MTHFD1L: variants seen among roughly 807,000 people sequenced by gnomAD.
MTHFD1L encodes methylenetetrahydrofolate dehydrogenase (NADP+ dependent) 1 like.
A neutral mutation model predicts 119.5 loss-of-function variants in MTHFD1L; 81 were observed. The ratio of observed to expected loss-of-function variants is 0.68; its 90% CI spans 0.57 to 0.82. The LOEUF is 0.82. Ranked by LOEUF, MTHFD1L falls within the 40% of genes least tolerant of loss-of-function variation. MTHFD1L has a pLI of 0.00. For missense variants in MTHFD1L, 1,125 were observed against 1,253.4 expected (o/e 0.90, Z 1.55); for synonymous variants, 430 against 475.2 (o/e 0.90, Z 1.24).
intron 14 of MTHFD1L, 77 bp from the exon 15 acceptor site, chr6:150,945,390 T>C: frequency 8.6e-7 from 1 of 1,159,792 alleles, no homozygotes; most frequent in Non-Finnish European, 1.3e-6. Flanking sequence ...CAATGAATTT[T>C]TGTCATATCC....
At chr6:150,967,130 A>G (rs1797330737) in intron 19 of MTHFD1L, among the ~76,000 whole-genome samples, 1 of 152,106 alleles carries the variant, frequency 6.6e-6, no homozygotes, top group South Asian at 2.1e-4. Context: ...CTGCATCCTC[A>G]TCTAGCTTCT....
Position 151,009,799 on chromosome 6 carries a change from T to C in MTHFD1L, c.2126-20T>C, listed in dbSNP as rs748282659. On this transcript the variant is annotated intron_variant, in intron 20 of 27. Transcript: ENST00000367321. ...TGTTTTTAGAAGATAATAGCACATA[T>C]TCCACTTGCTTCCCCACAGTGACCG... 27 of 1,613,122 alleles carry C rather than the reference T, an allele frequency of 1.7e-5. No individual in the cohort carries two copies. The highest frequency in any genetic ancestry group is 2.2e-5 in the Non-Finnish European group (26 of 1,179,658).
At chr6:150,959,227 C>G (rs1398566833) in intron 17 of MTHFD1L, 2 of 980,860 alleles carry the variant, frequency 2.0e-6, no homozygotes, top group Non-Finnish European at 2.4e-6. Flanking sequence ...CTCCTTATTT[C>G]CTTCCTTTCC....
At position 151,077,624 on chromosome 6, in the gene MTHFD1L, T is replaced by C. The variant is rs138794793; in HGVS notation, c.2848-14843T>C. 1.1e-4 allele frequency among the ~76,000 whole-genome samples: 16 copies of C among 152,278 alleles called. No individual in the cohort carries two copies. The East Asian group carries it at 3.1e-3, about 29-fold the overall frequency. ...TGAACTTGGGAGGTAGAGGTTGCAG[T>C]GAGCCAAGATCGTGCCACTATACTC... On this transcript the variant is annotated intron_variant, in intron 26 of 27. Coordinates refer to ENST00000367321, the MANE Select transcript of MTHFD1L (RefSeq NM_015440.5).
At chr6:151,056,535 G>A (rs1789958701) in intron 26 of MTHFD1L, among the ~76,000 whole-genome samples, 1 of 152,208 alleles carries the variant, frequency 6.6e-6, no homozygotes, top group African/African-American at 2.4e-5. Flanking sequence ...TTTATCCCCA[G>A]ACCAAGCTGA....
chr6:150,922,195 C>G lies in MTHFD1L; in HGVS notation c.985-10C>G, dbSNP rs761691227. ...ATTCTAACATGTTTTCCCCTCTATCCCTGCTGAAGAACATGGTCAGTAGTG... is the reference window on the plus strand; with the variant it reads ...ATTCTAACATGTTTTCCCCTCTATCGCTGCTGAAGAACATGGTCAGTAGTG... On this transcript the variant is annotated splice_polypyrimidine_tract_variant and intron_variant, in intron 9 of 27. Transcript: ENST00000367321. 14 of 1,608,170 alleles carry G rather than the reference C, an allele frequency of 8.7e-6. No homozygotes were observed. Among genetic ancestry groups the G allele is most frequent in the Non-Finnish European group, 1.2e-5 (14 of 1,174,956 alleles).
intron 9 of MTHFD1L, among the ~76,000 whole-genome samples, chr6:150,920,072 T>C (rs1788641307): frequency 6.6e-6 from 1 of 152,166 alleles, no homozygotes; most frequent in African/African-American, 2.4e-5. Context: ...GTAGGGCTGC[T>C]CACAGTGTGG....
chr6:150,913,032 C>G (rs1430520659), intron 8 of MTHFD1L: 1 of 157,850 alleles, frequency 6.3e-6, no homozygotes, highest in Admixed American at 6.3e-5. Context: ...TTTTTTGAGA[C>G]AGAGTCTCGC....
chr6:151,007,635 TG>T (rs1656287712), intron 20 of MTHFD1L, among the ~76,000 whole-genome samples: 1 of 152,286 alleles, frequency 6.6e-6, no homozygotes, highest in South Asian at 2.1e-4. Context: ...AATCCAGTAC[TG>T]GGGCCTTATT....
At chr6:151,072,077 C>T (rs1450847754) in intron 26 of MTHFD1L, among the ~76,000 whole-genome samples, 2 of 151,992 alleles carry the variant, frequency 1.3e-5, no homozygotes, top group Non-Finnish European at 2.9e-5. Flanking sequence ...TCCTGACTCA[C>T]CTCAGCCTCC....
At chr6:150,868,285 A>C (rs1443947138) in intron 1 of MTHFD1L, among the ~76,000 whole-genome samples, 3 of 152,082 alleles carry the variant, frequency 2.0e-5, no homozygotes. Flanking sequence ...TGCAAAATAC[A>C]TAGCCCAGGA....
intron 26 of MTHFD1L, among the ~76,000 whole-genome samples, chr6:151,050,303 C>G (rs1322952743): frequency 6.6e-6 from 1 of 152,166 alleles, no homozygotes; most frequent in Non-Finnish European, 1.5e-5. Flanking sequence ...GCTGGGATTA[C>G]AGGCATCCAC....
At chr6:150,939,119 C>T (rs920906908) in intron 13 of MTHFD1L, 4 of 224,624 alleles carry the variant, frequency 1.8e-5, no homozygotes, top group Non-Finnish European at 2.7e-5. Context: ...GCTGGCCTTG[C>T]GGGTCTGGAT....
chr6:150,885,690 T>C lies in MTHFD1L; in HGVS notation c.599T>C (p.Val200Ala). 1 of 1,614,116 alleles carries C rather than the reference T, an allele frequency of 6.2e-7. No homozygotes were observed. Among genetic ancestry groups the C allele is most frequent in the Non-Finnish European group, 8.5e-7 (1 of 1,179,972 alleles). ...LVRGDAHECF[V>A]SPVAKAVIEL... Reference sequence around the variant, plus strand: ...CGAGGGGATGCCCATGAATGTTTTGTTTCACCTGTTGCCAAAGCTGTAATT... The same window carrying C: ...CGAGGGGATGCCCATGAATGTTTTGCTTCACCTGTTGCCAAAGCTGTAATT... The change falls in exon 6 of 28, where the codon GTT becomes GCT. Residue 200 changes from valine (V) to alanine (A), a missense_variant. Val to Ala is a moderately conservative substitution (Grantham distance 64). Around this residue, in one of 3 missense-constraint regions of MTHFD1L, gnomAD observed 1,058 missense variants for 1,151.2 expected, o/e 0.92. Coordinates refer to ENST00000367321, the MANE Select transcript of MTHFD1L (RefSeq NM_015440.5).
chr6:150,938,996 A>G (rs923824367), intron 13 of MTHFD1L, among the ~76,000 whole-genome samples: 4 of 152,302 alleles, frequency 2.6e-5, no homozygotes, highest in African/African-American at 9.6e-5. Context: ...TGGAAAAATT[A>G]TTTTTGATTA....
rs376135402 is a variant in MTHFD1L, at chr6:151,082,084, T to C, written c.2848-10383T>C. Among the ~76,000 whole-genome samples the C allele has an allele frequency of 2.0e-4, 31 of 152,358 alleles. No homozygotes were observed. In the South Asian group the frequency reaches 5.8e-3, roughly 29 times the overall value. ...CAGAATTTAATTACTTAATTTTGAGTTTCCAAACAATAAAATATATTATTA... is the reference window on the plus strand; with the variant it reads ...CAGAATTTAATTACTTAATTTTGAGCTTCCAAACAATAAAATATATTATTA... On this transcript the variant is annotated intron_variant, in intron 26 of 27. Transcript: ENST00000367321.
chr6:151,072,126 G>A (rs116973535), intron 26 of MTHFD1L, among the ~76,000 whole-genome samples: 1 of 151,934 alleles, frequency 6.6e-6, no homozygotes, highest in Non-Finnish European at 1.5e-5. Flanking sequence ...ACCACGCCCG[G>A]CTAGTACAGA....
At chr6:150,877,850 T>C (rs760686587) in intron 4 of MTHFD1L, 24 bp downstream of exon 4, 4 of 1,613,932 alleles carry the variant, frequency 2.5e-6, no homozygotes, top group Non-Finnish European at 3.4e-6. Flanking sequence ...AGCTCTAAAC[T>C]CTTGCTTCTT....
At chr6:151,002,003 G>T (rs1369147591) in intron 20 of MTHFD1L, among the ~76,000 whole-genome samples, 2 of 152,204 alleles carry the variant, frequency 1.3e-5, no homozygotes, top group East Asian at 3.8e-4. Context: ...GGTAATCACA[G>T]CAGGGCCTTA....
Sources: allele counts gnomAD v4.1 joint callset (sites outside exome capture counted in the v4.1 genomes callset), GRCh38; gene constraint gnomAD v4.1.1; regional missense constraint gnomAD v4.1.1; transcripts MANE v1.5; gene names NCBI Gene and HGNC (gene_info 2026-07-23, HGNC 2026-07-21).